SGCZ: variants seen among roughly 807,000 people sequenced by gnomAD.
SGCZ encodes sarcoglycan zeta.
In SGCZ, 40 loss-of-function variants were observed where a neutral mutation model predicts 41.3. The ratio of observed to expected loss-of-function variants is 0.97; its 90% CI spans 0.75 to 1.26. The LOEUF (loss-of-function observed/expected upper bound fraction) is 1.26, where lower values mean the gene tolerates loss of function less well. Ranked by LOEUF, SGCZ falls within the 50% of genes most tolerant of loss-of-function variation. The pLI is 0.00. For synonymous variants in SGCZ, 206 were observed against 137.5 expected (o/e 1.50, Z -3.49); for missense variants, 552 against 369.8 (o/e 1.49, Z -4.04).
chr8:15,145,426 T>C (rs567733068), intron 1 of SGCZ, among the ~76,000 whole-genome samples: 1 of 152,280 alleles, frequency 6.6e-6, no homozygotes, highest in East Asian at 1.9e-4. Flanking sequence ...AAATCCCAGA[T>C]CCACATCTAC....
intron 2 of SGCZ, among the ~76,000 whole-genome samples, chr8:14,366,375 C>T (rs372895094): frequency 3.3e-5 from 5 of 151,962 alleles, no homozygotes; most frequent in African/African-American, 7.2e-5. Context: ...TAAAACCATC[C>T]GATCTTGTAA....
intron 1 of SGCZ, among the ~76,000 whole-genome samples, chr8:14,748,917 G>C (rs1799415665): frequency 6.6e-6 from 1 of 151,804 alleles, no homozygotes; most frequent in Non-Finnish European, 1.5e-5. Flanking sequence ...TGGAGACTAA[G>C]GTAGATTAAA....
chr8:14,758,556 C>G lies in SGCZ; in HGVS notation c.40-203630G>C, dbSNP rs185549087. Among the ~76,000 whole-genome samples, 6 of 152,232 alleles carry G rather than the reference C, an allele frequency of 3.9e-5. No individual in the cohort carries two copies. In the East Asian group the frequency reaches 1.2e-3, roughly 29 times the overall value. On this transcript the variant is annotated intron_variant, in intron 1 of 7. Transcript: ENST00000382080. The stretch of plus-strand genomic sequence containing the variant: ...GGGACACCGATCAAAGTGTGAAATT[C>G]TATATTAAAAATTCAGTGCCTTGGA...
Position 14,091,691 on chromosome 8 carries a change from ATTTG to A in SGCZ, c.745-1058_745-1055del, listed in dbSNP as rs551926635. ...GGAATTGTTTGCTTTTTTCCTGTAA[ATTTG>A]TTTGTTTAAGTTCTTTGTAGGTTCT... is the stretch of plus-strand genomic sequence containing the variant. On this transcript the variant is annotated intron_variant, in intron 7 of 7. Transcript: ENST00000382080. Among the ~76,000 whole-genome samples the A allele has an allele frequency of 4.4e-3, 666 of 151,988 alleles. 5 individuals carry two copies. Among genetic ancestry groups the A allele is most frequent in the African/African-American group, 0.015 (620 of 41,450 alleles).
At chr8:14,093,000 A>G (rs1482651237) in intron 7 of SGCZ, among the ~76,000 whole-genome samples, 1 of 152,002 alleles carries the variant, frequency 6.6e-6, no homozygotes, top group Non-Finnish European at 1.5e-5. Flanking sequence ...CACCACTTTG[A>G]GAGACAGTGA....
intron 1 of SGCZ, among the ~76,000 whole-genome samples, chr8:14,595,943 C>T (rs888357380): frequency 1.1e-4 from 17 of 152,040 alleles, no homozygotes; most frequent in African/African-American, 4.1e-4. Context: ...AAATAACAGA[C>T]CTATTTAAAA....
intron 2 of SGCZ, among the ~76,000 whole-genome samples, chr8:14,429,936 T>C (rs62499686): frequency 0.2 from 29,707 of 152,186 alleles, 3,640 homozygotes; most frequent in Non-Finnish European, 0.28. Flanking sequence ...TTTTCTAATT[T>C]GTGCACATAA....
intron 2 of SGCZ, among the ~76,000 whole-genome samples, chr8:14,364,107 T>C (rs776843574): frequency 5.9e-5 from 9 of 152,172 alleles, no homozygotes; most frequent in Non-Finnish European, 8.8e-5. Context: ...TCAAAATATA[T>C]AGTGTAGTTT....
intron 1 of SGCZ, among the ~76,000 whole-genome samples, chr8:14,649,098 T>C (rs1807316073): frequency 6.6e-6 from 1 of 152,150 alleles, no homozygotes; most frequent in African/African-American, 2.4e-5. Flanking sequence ...CAAAAGCGTC[T>C]TCTCTAAGTC....
intron 1 of SGCZ, among the ~76,000 whole-genome samples, chr8:14,614,887 C>A (rs1346595192): frequency 6.6e-6 from 1 of 151,422 alleles, no homozygotes; most frequent in Non-Finnish European, 1.5e-5. Flanking sequence ...GTAAAATGAC[C>A]CAAGCATGAC....
chr8:14,233,007 C>G (rs750755118), intron 4 of SGCZ, among the ~76,000 whole-genome samples: 1 of 151,930 alleles, frequency 6.6e-6, no homozygotes, highest in African/African-American at 2.4e-5. Flanking sequence ...TGACATAGGG[C>G]CCCATAAGTA....
At chr8:14,851,477 T>C (rs1462266118) in intron 1 of SGCZ, among the ~76,000 whole-genome samples, 1 of 152,042 alleles carries the variant, frequency 6.6e-6, no homozygotes, top group Non-Finnish European at 1.5e-5. Flanking sequence ...ATATTTAACT[T>C]TGGCTTCCTG....
intron 1 of SGCZ, among the ~76,000 whole-genome samples, chr8:14,949,859 G>A (rs988618826): frequency 3.9e-5 from 6 of 152,080 alleles, no homozygotes; most frequent in South Asian, 4.1e-4. Context: ...AACAAAAATC[G>A]TTTCATCCAA....
chr8:14,591,014 A>AT lies in SGCZ; in HGVS notation c.40-36089dup, dbSNP rs148178831. On this transcript the variant is annotated intron_variant, in intron 1 of 7. Transcript: ENST00000382080. ...CACTTTTCACAAATATTATGCCATC[A>AT]TTTTTTTTTCAGGCAAAAATGAGAT... Among the ~76,000 whole-genome samples, 910 of 149,716 alleles carry AT rather than the reference A, an allele frequency of 6.1e-3. 12 individuals are homozygous for AT. The highest frequency in any genetic ancestry group is 0.021 in the African/African-American group (842 of 40,962).
intron 1 of SGCZ, among the ~76,000 whole-genome samples, chr8:14,575,761 C>T (rs989815886): frequency 2.6e-5 from 4 of 151,866 alleles, no homozygotes; most frequent in Admixed American, 2.6e-4. Context: ...AAAAAACTGG[C>T]CTGGCATGGC....
At chr8:14,883,786 T>TTG (rs1282188084) in intron 1 of SGCZ, among the ~76,000 whole-genome samples, 19 of 151,114 alleles carry the variant, frequency 1.3e-4, no homozygotes, top group East Asian at 3.9e-4. Context: ...GTTTTTTTTT[T>TTG]TTTTTTTTTT....
At chr8:14,426,360 T>C (rs950018231) in intron 2 of SGCZ, among the ~76,000 whole-genome samples, 8 of 152,032 alleles carry the variant, frequency 5.3e-5, no homozygotes, top group African/African-American at 1.7e-4. Context: ...CGTGAGAGTA[T>C]TTCCCCTCCC....
intron 1 of SGCZ, among the ~76,000 whole-genome samples, chr8:15,169,359 G>C (rs1037239932): frequency 6.6e-6 from 1 of 152,194 alleles, no homozygotes; most frequent in African/African-American, 2.4e-5. Context: ...GCAGGGGGAG[G>C]AGCCTGCCTC....
At position 14,925,430 on chromosome 8, in the gene SGCZ, T is replaced by A. The variant is rs111952966; in HGVS notation, c.39+312155A>T. ...ATGCTAACAGTTTTGTCCTTTATAT[T>A]TATGTACTAAGAATGAAAATGTCCA... On this transcript the variant is annotated intron_variant, in intron 1 of 7. Transcript: ENST00000382080. Among the ~76,000 whole-genome samples, 653 of 152,302 alleles carry A rather than the reference T, an allele frequency of 4.3e-3. 8 individuals are homozygous for A. Among genetic ancestry groups the A allele is most frequent in the African/African-American group, 0.015 (621 of 41,562 alleles).
Sources: gnomAD v4.1 joint callset for allele counts (sites outside exome capture counted in the v4.1 genomes callset) on GRCh38, gnomAD v4.1.1 for gene constraint, MANE v1.5 for transcripts, NCBI Gene and HGNC (gene_info 2026-07-23, HGNC 2026-07-21) for gene names.